TRPM1: variants seen among roughly 807,000 people sequenced by gnomAD.
TRPM1 encodes transient receptor potential cation channel subfamily M member 1.
Under a neutral mutation model 149.4 loss-of-function variants are expected in TRPM1, and 113 were observed. That is an observed-to-expected ratio of 0.76 (90% CI 0.65 to 0.88). The LOEUF is 0.88. TRPM1 is among the 40% of genes least tolerant of loss of function. TRPM1 has a pLI of 0.00. For synonymous variants in TRPM1, 741 were observed against 759.5 expected, an observed-to-expected ratio of 0.98 and a Z score of 0.40; for missense variants, 1,976 against 2,038.7, an observed-to-expected ratio of 0.97 and a Z score of 0.59.
intron 1 of TRPM1, among the ~76,000 whole-genome samples, chr15:31,101,165 C>G (rs1254682857): frequency 6.6e-6 from 1 of 152,170 alleles, no homozygotes; most frequent in Non-Finnish European, 1.5e-5. Context: ...GAAGGTGCAC[C>G]TTTTCCCTGA....
intron 1 of TRPM1, among the ~76,000 whole-genome samples, chr15:31,160,697 C>T (rs904659464): frequency 6.6e-6 from 1 of 152,214 alleles, no homozygotes; most frequent in African/African-American, 2.4e-5. Flanking sequence ...AGACCACAGG[C>T]GTTGGACACC....
rs751345587 is a variant in TRPM1 at position 31,002,429 on chromosome 15, A to G, written c.4271T>C (p.Val1424Ala). 6.2e-7 allele frequency: 1 copy of G among 1,614,180 alleles called. No individual in the cohort carries two copies. Among genetic ancestry groups the G allele is most frequent in the South Asian group, 1.1e-5 (1 of 91,084 alleles). Residue 1424 changes from valine (V) to alanine (A), a missense_variant, in exon 28 of 28, where the codon GTG becomes GCG. Physicochemically the swap from Val to Ala is moderately conservative, Grantham distance 64. Around this residue, in one of 3 missense-constraint regions of TRPM1, gnomAD observed 572 missense variants for 578.9 expected, o/e 0.99. Transcript: ENST00000256552. ...KSDVQNTQLTVETTNIEGTIS... is the reference protein window; with the variant it reads ...KSDVQNTQLTAETTNIEGTIS... ...AGTGCCTTCTATATTTGTCGTTTCC[A>G]CTGTTAGCTGAGTGTTTTGAACATC...
intron 1 of TRPM1, among the ~76,000 whole-genome samples, chr15:31,115,418 CAG>C (rs1312901973): frequency 6.6e-6 from 1 of 152,094 alleles, no homozygotes; most frequent in Non-Finnish European, 1.5e-5. Flanking sequence ...GTTGAGGTCA[CAG>C]GGGCAAACTG....
Position 31,039,170 on chromosome 15 carries a change from G to A in TRPM1, c.2316+948C>T, listed in dbSNP as rs1007205261. ...CTCCAAATGCCTTCCCTTCAGAACC[G>A]TGAAGGCCTTACTCCAGTGCTGCCT... On this transcript the variant is annotated intron_variant, in intron 18 of 27. Coordinates refer to ENST00000256552, the MANE Select transcript of TRPM1 (RefSeq NM_001252024.2). Among the ~76,000 whole-genome samples, 13 of 152,044 alleles carry A rather than the reference G, an allele frequency of 8.6e-5. No individual in the cohort carries two copies. The East Asian group carries it at 2.3e-3, about 27-fold the overall frequency.
At chr15:31,017,590 A>G (rs534807437) in intron 27 of TRPM1, among the ~76,000 whole-genome samples, 1 of 152,362 alleles carries the variant, frequency 6.6e-6, no homozygotes, top group Non-Finnish European at 1.5e-5. Flanking sequence ...TAAATGAATT[A>G]AATGAAACTG....
At chr15:31,050,890 T>C (rs2033932203) in intron 11 of TRPM1, among the ~76,000 whole-genome samples, 2 of 152,206 alleles carry the variant, frequency 1.3e-5, no homozygotes, top group African/African-American at 4.8e-5. Flanking sequence ...CGACTTTGCA[T>C]ACTTAAAGTG....
At chr15:31,058,509 T>C (rs1270197112) in intron 11 of TRPM1, among the ~76,000 whole-genome samples, 1 of 152,196 alleles carries the variant, frequency 6.6e-6, no homozygotes, top group Non-Finnish European at 1.5e-5. Context: ...GTTTCTCCAT[T>C]TTTTTAGAAT....
chr15:31,069,100 A>G (rs1286402160), intron 4 of TRPM1, among the ~76,000 whole-genome samples: 1 of 152,248 alleles, frequency 6.6e-6, no homozygotes, highest in Non-Finnish European at 1.5e-5. Flanking sequence ...AAATTTATCC[A>G]ATGTATGTCT....
chr15:31,155,290 A>G (rs2036353910), intron 1 of TRPM1, among the ~76,000 whole-genome samples: 1 of 152,134 alleles, frequency 6.6e-6, no homozygotes, highest in South Asian at 2.1e-4. Context: ...CGTGCCTGCT[A>G]CTCAGTTGCT....
At chr15:31,086,033 G>A (rs2034991750) in intron 1 of TRPM1, among the ~76,000 whole-genome samples, 1 of 142,364 alleles carries the variant, frequency 7.0e-6, no homozygotes, top group Admixed American at 7.4e-5. Context: ...GAAAAGCAAA[G>A]GAAAACTGGG....
At chr15:31,155,918 C>T (rs867430786) in intron 1 of TRPM1, among the ~76,000 whole-genome samples, 4 of 152,184 alleles carry the variant, frequency 2.6e-5, no homozygotes, top group Middle Eastern at 3.4e-3. Flanking sequence ...GGAAATCGGC[C>T]AGGTGCAGTG....
rs149636441 is a variant in TRPM1 at position 31,134,866 on chromosome 15, G to A, written c.54+26040C>T. ...AAAATACAAAAAATTAGCTGGGTGT[G>A]GTGGCCCATGCCTGTAATCCCAGCT... On this transcript the variant is annotated intron_variant, in intron 1 of 26. Transcript: ENST00000542188. 7.4e-3 allele frequency among the ~76,000 whole-genome samples: 1,121 copies of A among 152,318 alleles called. 13 individuals are homozygous for A. The highest frequency in any genetic ancestry group is 0.025 in the African/African-American group (1,039 of 41,556).
intron 14 of TRPM1, 135 bp downstream of exon 14, chr15:31,047,754 A>G: frequency 1.3e-6 from 1 of 793,582 alleles, no homozygotes; most frequent in Non-Finnish European, 2.2e-6. Context: ...TTTTAAATAG[A>G]CTCTTTACGA....
intron 1 of TRPM1, among the ~76,000 whole-genome samples, chr15:31,131,328 G>T (rs1250509798): frequency 6.6e-6 from 1 of 152,154 alleles, no homozygotes; most frequent in African/African-American, 2.4e-5. Flanking sequence ...CGAGCGCAGT[G>T]CTTCCTTTCA....
chr15:31,088,817 G>C (rs1032421886), intron 1 of TRPM1, among the ~76,000 whole-genome samples: 5 of 150,542 alleles, frequency 3.3e-5, no homozygotes, highest in Admixed American at 2.0e-4. Flanking sequence ...GGATGCGTCA[G>C]AGGAGGCCTT....
chr15:31,021,751 C>A (rs146301918), intron 27 of TRPM1, among the ~76,000 whole-genome samples: 58 of 150,242 alleles, frequency 3.9e-4, no homozygotes, highest in African/African-American at 1.4e-3. Context: ...ATCCACAAAT[C>A]TGACAAGAAA....
At chr15:31,075,741 A>G (rs894956173) in intron 3 of TRPM1, among the ~76,000 whole-genome samples, 9 of 152,188 alleles carry the variant, frequency 5.9e-5, no homozygotes, top group African/African-American at 1.9e-4. Context: ...AGAGGGAGGG[A>G]GGAAACTCTT....
rs551142419 is a variant in TRPM1 at position 31,040,812 on chromosome 15, G to A, written c.2088-466C>T. On this transcript the variant is annotated intron_variant, in intron 17 of 27. Coordinates refer to ENST00000256552, the MANE Select transcript of TRPM1 (RefSeq NM_001252024.2). This position sits in a 1 kb window ranked among gnomAD's most constrained non-coding sequence, Gnocchi z 4.2. ...AGTCACAGGAGGGCTGGTGGGTGCC[G>A]GCTAGGTTCTTAGTTGATCTGGGTG... Among the ~76,000 whole-genome samples the A allele has an allele frequency of 3.9e-5, 6 of 152,234 alleles. No homozygotes were observed. The highest frequency in any genetic ancestry group is 1.2e-4 in the African/African-American group (5 of 41,550).
upstream of TRPM1, among the ~76,000 whole-genome samples, chr15:31,106,450 TAAA>T (rs905713117): frequency 6.6e-6 from 1 of 151,786 alleles, no homozygotes; most frequent in Non-Finnish European, 1.5e-5. Flanking sequence ...CAAGTAAACT[TAAA>T]AAAAAATTAT....
Sources: allele counts gnomAD v4.1 joint callset (sites outside exome capture counted in the v4.1 genomes callset), GRCh38; gene constraint gnomAD v4.1.1; regional missense constraint gnomAD v4.1.1; non-coding constraint Gnocchi (gnomAD v3.1); transcripts MANE v1.5; gene names NCBI Gene and HGNC (gene_info 2026-07-23, HGNC 2026-07-21).